Variants in TINAGL1 observed in about 807,000 individuals in gnomAD.
TINAGL1 encodes tubulointerstitial nephritis antigen-like.
Under a neutral mutation model 62.0 loss-of-function variants are expected in TINAGL1, and 34 were observed. That is an observed-to-expected ratio of 0.55 (90% CI 0.42 to 0.73). The LOEUF is 0.73. TINAGL1 is among the 30% of genes least tolerant of loss of function. The pLI is 0.00. For synonymous variants in TINAGL1, 221 were observed against 249.7 expected (o/e 0.88, Z 1.08); for missense variants, 516 against 653.2 (o/e 0.79, Z 2.29).
In TINAGL1 at chr1:31,586,902, G is replaced by A. The variant is rs758345176; in HGVS notation, c.1327G>A (p.Val443Ile). ...GGGCCACTTCCGCATCGTGCGCGGC[G>A]TCAATGAGTGCGACATCGAGAGCTT... ...ERGHFRIVRG[V>I]NECDIESFVL... is the part of the protein sequence containing the mutation. The change falls in exon 12 of 12, where the codon GTC (valine) becomes ATC (isoleucine). Residue 443 changes from valine (V) to isoleucine (I), a missense_variant. Coordinates refer to ENST00000271064, the MANE Select transcript of TINAGL1 (RefSeq NM_022164.3). 15 of 1,546,814 alleles carry A rather than the reference G, an allele frequency of 9.7e-6. No individual in the cohort carries two copies. In the East Asian group the frequency reaches 1.4e-4, roughly 14 times the overall value.
In TINAGL1 at chr1:31,583,691, G is replaced by C; in HGVS notation, c.582+116G>C. 1 of 878,734 alleles carries C rather than the reference G, an allele frequency of 1.1e-6. No homozygotes were observed. The highest frequency in any genetic ancestry group is 1.8e-6 in the Non-Finnish European group (1 of 562,382). The allele number at this position is 878,734 out of a possible 1,614,324, so 54.4% of individuals were successfully genotyped here. On this transcript the variant is annotated intron_variant, in intron 5 of 11. Transcript: ENST00000271064. The surrounding 1 kb of genome is among the most constrained non-coding windows in gnomAD (Gnocchi z 4.4). Reference sequence around the variant, plus strand: ...GGACCATCCCCTACTACAAGGCTGTGTGTCCCTGGACAAGTTACTCCCCTT... The same window carrying C: ...GGACCATCCCCTACTACAAGGCTGTCTGTCCCTGGACAAGTTACTCCCCTT...
chr1:31,577,676 A>C lies in TINAGL1; in HGVS notation c.310+218A>C. The C allele has an allele frequency of 1.7e-6, 1 of 571,718 alleles. No homozygotes were observed. The highest frequency in any genetic ancestry group is 3.0e-6 in the Non-Finnish European group (1 of 331,706). 35.4% of individuals were successfully genotyped at this position (571,718 alleles called of 1,614,324 possible). ...GCCCAGGGAAAGGGCAACCTCCCAC[A>C]TTTTCTCCCAATCCTGTCTCTTTTC... On this transcript the variant is annotated intron_variant, in intron 2 of 11. Coordinates refer to ENST00000271064, the MANE Select transcript of TINAGL1 (RefSeq NM_022164.3). This position sits in a 1 kb window ranked among gnomAD's most constrained non-coding sequence, Gnocchi z 5.4.
chr1:31,584,462 G>GCCC lies in TINAGL1; in HGVS notation c.583-214_583-212dup. ...CAGGACTAGTCACCACCGCCACCCC[G>GCCC]CCCCGCCCCACCACCTGATACCTGG... On this transcript the variant is annotated intron_variant, in intron 5 of 11. Transcript: ENST00000271064. This position sits in a 1 kb window ranked among gnomAD's most constrained non-coding sequence, Gnocchi z 4.0. The GCCC allele has an allele frequency of 2.6e-6, 1 of 386,382 alleles. No homozygotes were observed. Among genetic ancestry groups the GCCC allele is most frequent in the Non-Finnish European group, 5.1e-6 (1 of 195,556 alleles). 23.9% of individuals were successfully genotyped at this position (386,382 alleles called of 1,614,324 possible).
Position 31,586,915 on chromosome 1 carries a change from A to C in TINAGL1, c.1340A>C (p.Asp447Ala). ...ATCGTGCGCGGCGTCAATGAGTGCG[A>C]CATCGAGAGCTTCGTGCTGGGCGTC... ...FRIVRGVNECDIESFVLGVWG... is the reference protein window; with the variant it reads ...FRIVRGVNECAIESFVLGVWG... The change falls in exon 12 of 12, where the codon GAC becomes GCC. Residue 447 changes from aspartate (D) to alanine (A), a missense_variant. Coordinates refer to ENST00000271064, the MANE Select transcript of TINAGL1 (RefSeq NM_022164.3). 6.5e-7 allele frequency: 1 copy of C among 1,542,200 alleles called. No individual in the cohort carries two copies. The highest frequency in any genetic ancestry group is 2.1e-5 in the Admixed American group (1 of 47,906).
chr1:31,580,688 T>C (rs1005581812), intron 3 of TINAGL1: 1 of 1,283,144 alleles, frequency 7.8e-7, no homozygotes, highest in African/African-American at 1.5e-5. Flanking sequence ...GTGGGAGCCT[T>C]GGACAGCTTG....
In TINAGL1 at chr1:31,584,276, C is replaced by T. The variant is rs1639325877; in HGVS notation, c.583-402C>T. On this transcript the variant is annotated intron_variant, in intron 5 of 11. Transcript: ENST00000271064. The surrounding 1 kb of genome is among the most constrained non-coding windows in gnomAD (Gnocchi z 4.0). Reference sequence around the variant, plus strand: ...GTTGGCAGACTGCCTGGTCACGGGACCCTACTGCCTCTTCCCTCCCCTGAG... The same window carrying T: ...GTTGGCAGACTGCCTGGTCACGGGATCCTACTGCCTCTTCCCTCCCCTGAG... The T allele has an allele frequency of 1.6e-5, 3 of 191,440 alleles. No individual in the cohort carries two copies. In the South Asian group the frequency reaches 3.5e-4, roughly 23 times the overall value. 11.9% of individuals were successfully genotyped at this position (191,440 alleles called of 1,614,324 possible). A position where few individuals can be genotyped will look rare whatever the true frequency, so the allele number is the denominator to read the frequency against.
rs1639416554 is a variant in TINAGL1 at position 31,587,069 on chromosome 1, CGACAGAGCCCG to C, written c.*92_*102del. 1.5e-6 allele frequency: 2 copies of C among 1,346,948 alleles called. No individual in the cohort carries two copies. Among genetic ancestry groups the C allele is most frequent in the Non-Finnish European group, 1.9e-6 (2 of 1,056,256 alleles). 83.4% of individuals were successfully genotyped at this position (1,346,948 alleles called of 1,614,324 possible). ...ATGGGGCGGTGACCCCAGCCTCGCC[CGACAGAGCCCG>C]GGGCGCAGGCGGGCGCCAGGGCGCT... On this transcript the variant is annotated 3_prime_UTR_variant, in exon 12 of 12. Coordinates refer to ENST00000271064, the MANE Select transcript of TINAGL1 (RefSeq NM_022164.3).
At chr1:31,580,823 T>C (rs1277784312) in intron 3 of TINAGL1, 1 of 1,184,202 alleles carries the variant, frequency 8.4e-7, no homozygotes, top group Admixed American at 3.4e-5. Flanking sequence ...ACAGGCACTA[T>C]GCTGAGCTCA....
chr1:31,584,568 A>C lies in TINAGL1; in HGVS notation c.583-110A>C, dbSNP rs967727087. ...AATCCTGCAGCAGCAGGAGGGCTCA[A>C]GATTAAACTGCAGAAGGCCCTGGAC... On this transcript the variant is annotated intron_variant, in intron 5 of 11. Transcript: ENST00000271064. The surrounding 1 kb of genome is among the most constrained non-coding windows in gnomAD (Gnocchi z 4.0). 7.1e-6 allele frequency: 11 copies of C among 1,550,054 alleles called. No individual in the cohort carries two copies. In the South Asian group the frequency reaches 1.3e-4, roughly 18 times the overall value.
In TINAGL1 at chr1:31,583,609, C is replaced by T. The variant is rs778966184; in HGVS notation, c.582+34C>T. On this transcript the variant is annotated intron_variant, in intron 5 of 11. Coordinates refer to ENST00000271064, the MANE Select transcript of TINAGL1 (RefSeq NM_022164.3). The surrounding 1 kb of genome is among the most constrained non-coding windows in gnomAD (Gnocchi z 4.4). ...ATCCTTCCCCACAATGCTGCCATCT[C>T]CCCATGGCTCAGAACCTCAGGGATG... 2 of 1,554,542 alleles carry T rather than the reference C, an allele frequency of 1.3e-6. No homozygotes were observed. Among genetic ancestry groups the T allele is most frequent in the Non-Finnish European group, 1.8e-6 (2 of 1,139,990 alleles).
chr1:31,583,253 T>C lies in TINAGL1; in HGVS notation c.467+12T>C, dbSNP rs1364176871. On this transcript the variant is annotated intron_variant, in intron 4 of 11. Coordinates refer to ENST00000271064, the MANE Select transcript of TINAGL1 (RefSeq NM_022164.3). This position sits in a 1 kb window ranked among gnomAD's most constrained non-coding sequence, Gnocchi z 4.4. Reference sequence around the variant, plus strand: ...CAGGGCAACTATGGGTGAGAGGCCCTAGAGGCACCCTCAGTGGGCACACAT... The same window carrying C: ...CAGGGCAACTATGGGTGAGAGGCCCCAGAGGCACCCTCAGTGGGCACACAT... The C allele has an allele frequency of 1.9e-6, 3 of 1,613,344 alleles. No homozygotes were observed. In the East Asian group the frequency reaches 6.7e-5, roughly 36 times the overall value.
At position 31,586,862 on chromosome 1, in the gene TINAGL1, A is replaced by G; in HGVS notation, c.1287A>G (p.Pro429=). 6.5e-7 allele frequency: 1 copy of G among 1,550,080 alleles called. No individual in the cohort carries two copies. The highest frequency in any genetic ancestry group is 8.7e-7 in the Non-Finnish European group (1 of 1,146,420). The part of the protein sequence containing the change: ...KYWTAANSWG[P]AWGERGHFRI... ...AGACTGCGGCCAACTCCTGGGGCCC[A>G]GCCTGGGGCGAGAGGGGCCACTTCC... The change falls in exon 12 of 12, where the codon CCA becomes CCG. Residue 429 remains proline, a synonymous_variant. Coordinates refer to ENST00000271064, the MANE Select transcript of TINAGL1 (RefSeq NM_022164.3).
At chr1:31,581,342 G>A (rs541780613) in intron 3 of TINAGL1, among the ~76,000 whole-genome samples, 5 of 152,268 alleles carry the variant, frequency 3.3e-5, no homozygotes, top group South Asian at 4.2e-4. Flanking sequence ...AGGCAGTGCC[G>A]GGGTCCAGGT....
chr1:31,579,895 A>T, intron 3 of TINAGL1: 1 of 163,166 alleles, frequency 6.1e-6, no homozygotes, highest in Non-Finnish European at 1.3e-5. Flanking sequence ...CTCCACCCCC[A>T]CTCCCTCTTT....
intron 10 of TINAGL1, 142 bp from the exon 11 acceptor site, chr1:31,586,568 G>C: frequency 2.2e-6 from 2 of 891,570 alleles, no homozygotes; most frequent in Non-Finnish European, 1.8e-6. Context: ...GATGCAGAGA[G>C]GTACAGAGAC....
Position 31,585,426 on chromosome 1 carries a change from C to T in TINAGL1, c.1048-14C>T, listed in dbSNP as rs369863999. ...CCCCTGACGTATGCTCTCTGTCCAT[C>T]CCCTGCCCTCCAGGACAAGGAGATC... On this transcript the variant is annotated splice_polypyrimidine_tract_variant and intron_variant, in intron 8 of 11. Transcript: ENST00000271064. The surrounding 1 kb of genome is among the most constrained non-coding windows in gnomAD (Gnocchi z 4.3). The T allele has an allele frequency of 1.2e-6, 2 of 1,613,874 alleles. No individual in the cohort carries two copies. Among genetic ancestry groups the T allele is most frequent in the Non-Finnish European group, 1.7e-6 (2 of 1,179,912 alleles).
intron 3 of TINAGL1, chr1:31,580,869 G>T: frequency 2.0e-6 from 2 of 1,018,750 alleles, no homozygotes; most frequent in Non-Finnish European, 2.5e-6. Flanking sequence ...CACAGTCCTT[G>T]TCCCATTTCT....
chr1:31,586,390 G>A (rs189499443), intron 10 of TINAGL1: 51 of 509,236 alleles, frequency 1.0e-4, no homozygotes, highest in African/African-American at 9.2e-4. Context: ...AAGTGAGGGA[G>A]GGCAGGTGGA....
In TINAGL1 at chr1:31,577,240, T is replaced by C. The variant is rs1329318579; in HGVS notation, c.92T>C (p.Leu31Pro). 2 of 1,608,226 alleles carry C rather than the reference T, an allele frequency of 1.2e-6. No individual in the cohort carries two copies. The highest frequency in any genetic ancestry group is 2.7e-5 in the African/African-American group (2 of 74,958). Reference sequence around the variant, plus strand: ...CAGCAGGGTCGTGGGCGCCGGGAGCTAGCACCGGGTCTGCACCTGCGGGGC... The same window carrying C: ...CAGCAGGGTCGTGGGCGCCGGGAGCCAGCACCGGGTCTGCACCTGCGGGGC... Reference protein sequence around the residue: ...GAQQGRGRRELAPGLHLRGIR... With the variant: ...GAQQGRGRREPAPGLHLRGIR... The change falls in exon 2 of 12, where the codon CTA becomes CCA. Residue 31 changes from leucine to proline, a missense_variant. Coordinates refer to ENST00000271064, the MANE Select transcript of TINAGL1 (RefSeq NM_022164.3). The surrounding 1 kb of genome is among the most constrained non-coding windows in gnomAD (Gnocchi z 5.4).
Sources: gnomAD v4.1 joint callset for allele counts (sites outside exome capture counted in the v4.1 genomes callset) on GRCh38, gnomAD v4.1.1 for gene constraint, Gnocchi (gnomAD v3.1) non-coding constraint, MANE v1.5 for transcripts, NCBI Gene and HGNC (gene_info 2026-07-23, HGNC 2026-07-21) for gene names.